Variants in PDE1C observed in about 807,000 individuals in gnomAD.
PDE1C encodes dual specificity calcium/calmodulin-dependent 3',5'-cyclic nucleotide phosphodiesterase 1C.
Under a neutral mutation model 93.1 loss-of-function variants are expected in PDE1C, and 62 were observed. The observed-to-expected ratio is 0.67, with a 90% CI of 0.54 to 0.82. The LOEUF (loss-of-function observed/expected upper bound fraction) is 0.82, where lower values mean the gene tolerates loss of function less well. PDE1C is among the 40% of genes least tolerant of loss of function. The pLI is 0.00. For synonymous variants in PDE1C, 325 were observed against 310.1 expected, an observed-to-expected ratio of 1.05 and a Z score of -0.50; for missense variants, 742 against 884.6, an observed-to-expected ratio of 0.84 and a Z score of 2.04.
At chr7:31,780,363 C>T (rs996220989) in intron 16 of PDE1C, among the ~76,000 whole-genome samples, 1 of 152,176 alleles carries the variant, frequency 6.6e-6, no homozygotes, top group Non-Finnish European at 1.5e-5. Flanking sequence ...TTCCAGAAAG[C>T]TTAGACCCAG....
At chr7:31,619,912 C>T in the PDE1C span, among the ~76,000 whole-genome samples, 80 of 152,170 alleles carry the variant, frequency 5.3e-4, no homozygotes, top group Non-Finnish European at 8.8e-4. Flanking sequence ...CCAAATACTG[C>T]GCTTTTCCGA....
intron 1 of PDE1C, among the ~76,000 whole-genome samples, chr7:32,246,262 C>T (rs1808945138): frequency 6.6e-6 from 1 of 152,170 alleles, no homozygotes. Flanking sequence ...AGCCACCATT[C>T]CTGGCCATTC....
At chr7:32,254,240 A>G (rs1809614561) in intron 1 of PDE1C, among the ~76,000 whole-genome samples, 1 of 152,222 alleles carries the variant, frequency 6.6e-6, no homozygotes, top group African/African-American at 2.4e-5. Flanking sequence ...ACCTCTAGAA[A>G]CAACAGGATG....
intron 3 of PDE1C, among the ~76,000 whole-genome samples, chr7:32,117,652 T>C (rs1025450814): frequency 1.3e-5 from 2 of 152,236 alleles, no homozygotes; most frequent in African/African-American, 2.4e-5. Context: ...CCCTCTTTCA[T>C]TCCTAATGCT....
At chr7:32,078,076 G>T in intron 3 of PDE1C, 2 of 963,336 alleles carry the variant, frequency 2.1e-6, no homozygotes, top group Non-Finnish European at 2.5e-6. Flanking sequence ...TTTTGTTCAC[G>T]TAAAACTGCT....
chr7:31,648,036 A>G, the PDE1C span, among the ~76,000 whole-genome samples: 1 of 152,198 alleles, frequency 6.6e-6, no homozygotes, highest in Non-Finnish European at 1.5e-5. Flanking sequence ...ATAATTTGTT[A>G]ATTTTAAAAA....
At chr7:31,920,454 G>A (rs1295916729) in intron 2 of PDE1C, among the ~76,000 whole-genome samples, 3 of 152,118 alleles carry the variant, frequency 2.0e-5, no homozygotes, top group African/African-American at 7.2e-5. Context: ...CTCTTCATGG[G>A]GTGAGGTTGG....
chr7:31,698,002 A>T, the PDE1C span, among the ~76,000 whole-genome samples: 1 of 152,220 alleles, frequency 6.6e-6, no homozygotes, highest in Non-Finnish European at 1.5e-5. Context: ...AAATGAACAG[A>T]TAAAATTATG....
intron 6 of PDE1C, among the ~76,000 whole-genome samples, chr7:31,865,804 AG>A (rs1322523005): frequency 6.6e-6 from 1 of 152,136 alleles, no homozygotes; most frequent in African/African-American, 2.4e-5. Flanking sequence ...CTCCTTTCAA[AG>A]GGCATTGTTT....
intron 1 of PDE1C, among the ~76,000 whole-genome samples, chr7:32,238,902 G>T (rs926938548): frequency 5.3e-5 from 8 of 152,132 alleles, no homozygotes; most frequent in African/African-American, 1.9e-4. Flanking sequence ...TTTCCTCAGG[G>T]TATGAAAGGA....
At chr7:31,979,648 GACA>G (rs947275936) in intron 2 of PDE1C, among the ~76,000 whole-genome samples, 3 of 152,158 alleles carry the variant, frequency 2.0e-5, no homozygotes, top group African/African-American at 7.2e-5. Flanking sequence ...CTATTAAGAA[GACA>G]ACAATTCCTA....
chr7:31,833,893 G>T (rs2128757193), intron 11 of PDE1C, among the ~76,000 whole-genome samples: 1 of 152,342 alleles, frequency 6.6e-6, no homozygotes, highest in African/African-American at 2.4e-5. Flanking sequence ...AAGGAGCCAA[G>T]ACAATGGGGA....
chr7:32,193,498 C>T (rs1242447302), intron 2 of PDE1C, among the ~76,000 whole-genome samples: 1 of 152,104 alleles, frequency 6.6e-6, no homozygotes, highest in Non-Finnish European at 1.5e-5. Context: ...AGAATTAACC[C>T]TACTTGGTTG....
chr7:31,736,999 T>G, the PDE1C span, among the ~76,000 whole-genome samples: 1 of 152,140 alleles, frequency 6.6e-6, no homozygotes, highest in Non-Finnish European at 1.5e-5. Context: ...TCACCCAGGC[T>G]GGAGTGCAGT....
At chr7:31,701,508 G>C in the PDE1C span, among the ~76,000 whole-genome samples, 1 of 152,170 alleles carries the variant, frequency 6.6e-6, no homozygotes, top group Non-Finnish European at 1.5e-5. Context: ...GACAACAAAG[G>C]GTTTAGAATA....
intron 17 of PDE1C, among the ~76,000 whole-genome samples, chr7:31,757,013 C>T (rs1486742986): frequency 6.6e-6 from 1 of 152,206 alleles, no homozygotes; most frequent in East Asian, 1.9e-4. Context: ...CTTCCAATAA[C>T]AGGGACATGC....
chr7:31,845,494 C>G lies in PDE1C; in HGVS notation c.980+2474G>C, dbSNP rs140669473. 2.3e-3 allele frequency among the ~76,000 whole-genome samples: 346 copies of G among 152,000 alleles called. 1 individual carries two copies. Among genetic ancestry groups the G allele is most frequent in the African/African-American group, 8.1e-3 (335 of 41,480 alleles). On this transcript the variant is annotated intron_variant, in intron 9 of 17. Transcript: ENST00000396191. ...GCAATACATCAGATATCACTGGACA[C>G]AAGGAGGGAAACATCACACACTGGG...
chr7:31,651,295 G>A, the PDE1C span: 6 of 1,608,870 alleles, frequency 3.7e-6, no homozygotes, highest in Non-Finnish European at 5.1e-6. Flanking sequence ...AGCCATAAAA[G>A]TAAGTACCAG....
chr7:32,179,744 T>C (rs191663142), intron 2 of PDE1C, among the ~76,000 whole-genome samples: 777 of 152,320 alleles, frequency 5.1e-3, no homozygotes, highest in Middle Eastern at 0.014. Context: ...GATAAACTGC[T>C]AGTAAAAGGA....
Sources: allele counts gnomAD v4.1 joint callset (sites outside exome capture counted in the v4.1 genomes callset), GRCh38; gene constraint gnomAD v4.1.1; transcripts MANE v1.5; gene names NCBI Gene and HGNC (gene_info 2026-07-23, HGNC 2026-07-21).